Variants in PTPRM observed in about 807,000 individuals in gnomAD.
The protein encoded by PTPRM is receptor-type tyrosine-protein phosphatase mu.
In PTPRM, 47 loss-of-function variants were observed where a neutral mutation model predicts 186.7. The observed-to-expected ratio is 0.25, with a 90% CI of 0.20 to 0.32. The LOEUF is 0.32. Ranked by LOEUF, PTPRM falls within the 10% of genes least tolerant of loss-of-function variation. The pLI, the probability that PTPRM is intolerant of heterozygous loss-of-function variation, is 1.00. For missense variants in PTPRM, 1,494 were observed against 1,865.0 expected, an observed-to-expected ratio of 0.80 and a Z score of 3.66; for synonymous variants, 668 against 674.9, an observed-to-expected ratio of 0.99 and a Z score of 0.16.
At chr18:7,755,477 G>T (rs2041439541) in intron 1 of PTPRM, among the ~76,000 whole-genome samples, 1 of 152,192 alleles carries the variant, frequency 6.6e-6, no homozygotes, top group Admixed American at 6.5e-5. Context: ...GAGGAGAGGG[G>T]CATGTGTGGC....
At chr18:7,998,888 C>T (rs1409028328) in intron 7 of PTPRM, among the ~76,000 whole-genome samples, 4 of 152,158 alleles carry the variant, frequency 2.6e-5, no homozygotes, top group Non-Finnish European at 5.9e-5. Context: ...CTTCTGGCCT[C>T]AAGTGATCTA....
intron 1 of PTPRM, among the ~76,000 whole-genome samples, chr18:7,764,844 A>G (rs2144802497): frequency 6.6e-6 from 1 of 152,238 alleles, no homozygotes; most frequent in Admixed American, 6.5e-5. Flanking sequence ...TTTTGTTTTC[A>G]TTTGTTACTC....
intron 2 of PTPRM, among the ~76,000 whole-genome samples, chr18:7,880,936 T>G (rs1314221840): frequency 6.6e-6 from 1 of 152,226 alleles, no homozygotes; most frequent in Non-Finnish European, 1.5e-5. Context: ...TTGTGGGCTC[T>G]GATGTCAGTT....
At chr18:8,140,930 A>G (rs1340237929) in intron 13 of PTPRM, among the ~76,000 whole-genome samples, 1 of 152,232 alleles carries the variant, frequency 6.6e-6, no homozygotes, top group East Asian at 1.9e-4. Context: ...TAGAAATTAT[A>G]CTGTTAAATT....
intron 14 of PTPRM, among the ~76,000 whole-genome samples, chr18:8,215,555 T>C (rs113390972): frequency 2.0e-5 from 3 of 146,894 alleles, no homozygotes; most frequent in African/African-American, 7.5e-5. Context: ...CTTTTTTTTT[T>C]TTTTTTTTTT....
intron 14 of PTPRM, among the ~76,000 whole-genome samples, chr18:8,160,902 C>G (rs564469158): frequency 6.6e-6 from 1 of 152,124 alleles, no homozygotes; most frequent in Non-Finnish European, 1.5e-5. Context: ...AGGAAAAGGC[C>G]GCTTAGTGTA....
At chr18:7,964,041 GA>G (rs1312603322) in intron 7 of PTPRM, among the ~76,000 whole-genome samples, 6 of 151,902 alleles carry the variant, frequency 3.9e-5, no homozygotes, top group African/African-American at 7.2e-5. Flanking sequence ...TATTTAGTAA[GA>G]AAAAAAATTA....
chr18:8,044,271 A>G (rs559138898), intron 7 of PTPRM, among the ~76,000 whole-genome samples: 34 of 152,320 alleles, frequency 2.2e-4, no homozygotes, highest in African/African-American at 8.2e-4. Flanking sequence ...CATTGAATAG[A>G]TGACATTTGA....
At chr18:7,688,182 C>G (rs985839525) in intron 1 of PTPRM, among the ~76,000 whole-genome samples, 1 of 152,164 alleles carries the variant, frequency 6.6e-6, no homozygotes, top group African/African-American at 2.4e-5. Flanking sequence ...CTAGTGTAAG[C>G]TACTTCCCAG....
rs1464900334 is a variant in PTPRM at position 7,949,181 on chromosome 18, G to A, written c.664G>A (p.Gly222Ser). The A allele has an allele frequency of 6.3e-7, 1 of 1,599,886 alleles. No homozygotes were observed. The change falls in exon 6 of 33, where the codon GGC becomes AGC. Residue 222 changes from glycine to serine, a missense_variant and splice_region_variant. Transcript: ENST00000580170. ...TVAGDRLWLQGIDVRDAPLKE... is the reference protein window; with the variant it reads ...TVAGDRLWLQSIDVRDAPLKE... ...GTCCTCCCCACCCCACTTGATACAG[G>A]GCATTGATGTGCGAGATGCTCCTCT...
chr18:7,878,994 T>C (rs10164042), intron 2 of PTPRM, among the ~76,000 whole-genome samples: 2,721 of 152,330 alleles, frequency 0.018, 86 homozygotes, highest in African/African-American at 0.063. Flanking sequence ...GTCATTAGCG[T>C]CATCAGATAG....
Position 7,784,792 on chromosome 18 carries a change from A to G in PTPRM, c.196+10521A>G, listed in dbSNP as rs776856222. On this transcript the variant is annotated intron_variant, in intron 2 of 32. Coordinates refer to ENST00000580170, the MANE Select transcript of PTPRM (RefSeq NM_001105244.2). ...TGTGCAAGGTGCTGTTCCAGTCACC[A>G]GGGATTCAGGGAGACATCAGCCTGC... Among the ~76,000 whole-genome samples the G allele has an allele frequency of 1.1e-4, 17 of 152,166 alleles. 1 individual carries two copies. The highest frequency in any genetic ancestry group is 2.9e-5 in the Non-Finnish European group (2 of 68,020).
chr18:8,262,738 A>G lies in PTPRM; in HGVS notation c.2754+9324A>G, dbSNP rs771193562. Among the ~76,000 whole-genome samples the G allele has an allele frequency of 7.9e-4, 120 of 152,220 alleles. 1 individual carries two copies. The highest frequency in any genetic ancestry group is 1.2e-3 in the Non-Finnish European group (81 of 68,048). ...AATACAGTAGGCAGTATATTAACTG[A>G]TAATATAGTAGGCAATATATTAATT... On this transcript the variant is annotated intron_variant, in intron 19 of 32. Transcript: ENST00000580170.
At chr18:8,387,026 T>C in intron 30 of PTPRM, 46 bp from the exon 31 acceptor site, 3 of 1,519,166 alleles carry the variant, frequency 2.0e-6, no homozygotes, top group Non-Finnish European at 2.7e-6. Flanking sequence ...CAGTAAATAA[T>C]GCCTGTTTTC....
chr18:7,671,008 A>G (rs2039206257), intron 1 of PTPRM, among the ~76,000 whole-genome samples: 1 of 152,200 alleles, frequency 6.6e-6, no homozygotes, highest in African/African-American at 2.4e-5. Flanking sequence ...GAGCAAAACA[A>G]AGTTGATGAC....
intron 1 of PTPRM, among the ~76,000 whole-genome samples, chr18:7,604,482 G>A (rs2037482110): frequency 6.6e-6 from 1 of 152,244 alleles, no homozygotes; most frequent in African/African-American, 2.4e-5. Context: ...GACAGCACCT[G>A]GAAATACTCA....
chr18:7,696,650 G>A (rs564217056), intron 1 of PTPRM, among the ~76,000 whole-genome samples: 1 of 152,288 alleles, frequency 6.6e-6, no homozygotes, highest in East Asian at 1.9e-4. Flanking sequence ...AAGGGGCGAG[G>A]ATGAGATTTT....
intron 4 of PTPRM, among the ~76,000 whole-genome samples, chr18:7,913,550 T>C (rs894838742): frequency 2.0e-5 from 3 of 152,316 alleles, no homozygotes; most frequent in Admixed American, 6.5e-5. Context: ...TGTTGGGTTT[T>C]AGCAAATCCT....
chr18:7,911,031 T>C (rs1018495676), intron 4 of PTPRM, among the ~76,000 whole-genome samples: 1 of 152,234 alleles, frequency 6.6e-6, no homozygotes, highest in African/African-American at 2.4e-5. Context: ...AGTTGCGCTA[T>C]ATGTGGCCCT....
Sources: allele counts gnomAD v4.1 joint callset (sites outside exome capture counted in the v4.1 genomes callset), GRCh38; gene constraint gnomAD v4.1.1; transcripts MANE v1.5; gene names NCBI Gene and HGNC (gene_info 2026-07-23, HGNC 2026-07-21).